The following FIGN variants were observed in gnomAD, a reference collection of about 807,000 sequenced individuals.
FIGN encodes fidgetin.
FIGN carries 11 observed loss-of-function variants against 51.3 expected under a neutral mutation model. That is an observed-to-expected ratio of 0.21 (90% CI 0.13 to 0.35). The LOEUF is 0.35. Among genes scored for constraint, FIGN ranks in the 10% least tolerant of loss-of-function variants. FIGN has a pLI of 1.00. For synonymous variants in FIGN, 407 were observed against 363.2 expected (o/e 1.12, Z -1.37); for missense variants, 857 against 943.6 (o/e 0.91, Z 1.20).
chr2:163,605,612 C>T lies in FIGN; in HGVS notation c.*3940G>A, dbSNP rs1691092175. On this transcript the variant is annotated 3_prime_UTR_variant, in exon 3 of 3. Coordinates refer to ENST00000333129, the MANE Select transcript of FIGN (RefSeq NM_018086.4). ...ATGAAAGAACACACACACATACACA[C>T]ATACAAACACACACACTAATTTTAT... 1 of 151,926 alleles carries T rather than the reference C, an allele frequency of 6.6e-6. No individual in the cohort carries two copies. The highest frequency in any genetic ancestry group is 2.4e-5 in the African/African-American group (1 of 41,390). 9.4% of individuals were successfully genotyped at this position (151,926 alleles called of 1,614,324 possible).
Position 163,603,917 on chromosome 2 carries a change from A to G in FIGN, c.*5635T>C, listed in dbSNP as rs557094655. The G allele has an allele frequency of 6.6e-6, 1 of 152,266 alleles. No individual in the cohort carries two copies. Among genetic ancestry groups the G allele is most frequent in the East Asian group, 1.9e-4 (1 of 5,184 alleles). The allele number at this position is 152,266 out of a possible 1,614,324, so 9.4% of individuals were successfully genotyped here. On this transcript the variant is annotated 3_prime_UTR_variant, in exon 3 of 3. Transcript: ENST00000333129. ...TTCATACAAAGTAATTCAATGTGCCATTAGTTGTACAATTGCTTCAATAAA... is the reference window on the plus strand; with the variant it reads ...TTCATACAAAGTAATTCAATGTGCCGTTAGTTGTACAATTGCTTCAATAAA...
intron 2 of FIGN, among the ~76,000 whole-genome samples, chr2:163,724,292 C>T (rs1043688547): frequency 5.9e-5 from 9 of 152,048 alleles, no homozygotes; most frequent in African/African-American, 9.7e-5. Context: ...GAACTTCAGC[C>T]GGATGATGAG....
At chr2:163,684,761 C>G (rs988161127) in intron 2 of FIGN, among the ~76,000 whole-genome samples, 2 of 151,902 alleles carry the variant, frequency 1.3e-5, no homozygotes, top group Non-Finnish European at 2.9e-5. Flanking sequence ...CATTATTGAA[C>G]TGTCAGTTTC....
intron 2 of FIGN, among the ~76,000 whole-genome samples, chr2:163,686,326 T>TA (rs1219267573): frequency 6.6e-6 from 1 of 152,190 alleles, no homozygotes; most frequent in Non-Finnish European, 1.5e-5. Flanking sequence ...GAAGGACTTC[T>TA]AGTAGAGCTA....
intron 2 of FIGN, among the ~76,000 whole-genome samples, chr2:163,616,867 A>G (rs1451817732): frequency 6.6e-6 from 1 of 152,146 alleles, no homozygotes; most frequent in African/African-American, 2.4e-5. Context: ...AGAGCATTCA[A>G]AATTTCCAGT....
intron 2 of FIGN, among the ~76,000 whole-genome samples, chr2:163,733,113 T>C (rs1408247918): frequency 6.6e-6 from 1 of 152,182 alleles, no homozygotes; most frequent in Admixed American, 6.5e-5. Context: ...ATGTAAACTT[T>C]CACCCCTAGA....
intron 2 of FIGN, among the ~76,000 whole-genome samples, chr2:163,661,650 T>C (rs1027545039): frequency 6.6e-6 from 1 of 152,182 alleles, no homozygotes; most frequent in Non-Finnish European, 1.5e-5. Flanking sequence ...ATTGTATCTT[T>C]CAGAATTCCC....
At chr2:163,616,227 A>G (rs1471665654) in intron 2 of FIGN, among the ~76,000 whole-genome samples, 2 of 152,230 alleles carry the variant, frequency 1.3e-5, no homozygotes, top group Admixed American at 6.5e-5. Context: ...TCGAAACAAA[A>G]CAACTATAGC....
chr2:163,689,426 A>G (rs16848799), intron 2 of FIGN, among the ~76,000 whole-genome samples: 7,231 of 152,222 alleles, frequency 0.048, 216 homozygotes, highest in African/African-American at 0.072. Context: ...TTTTATCTAT[A>G]CCTACTGAAA....
chr2:163,716,092 T>C (rs1210846263), intron 2 of FIGN, among the ~76,000 whole-genome samples: 1 of 152,238 alleles, frequency 6.6e-6, no homozygotes, highest in Non-Finnish European at 1.5e-5. Context: ...CGAAACCACT[T>C]AAACTATAGT....
At chr2:163,669,696 G>A (rs1376974902) in intron 2 of FIGN, among the ~76,000 whole-genome samples, 5 of 152,130 alleles carry the variant, frequency 3.3e-5, no homozygotes, top group Admixed American at 2.6e-4. Flanking sequence ...TTGCTCTTGT[G>A]GCTTTCTTCC....
intron 2 of FIGN, among the ~76,000 whole-genome samples, chr2:163,690,502 CTAGA>C (rs1453673623): frequency 2.6e-5 from 4 of 151,896 alleles, no homozygotes; most frequent in African/African-American, 9.7e-5. Context: ...GCAATCTAAT[CTAGA>C]TAAATACACA....
intron 2 of FIGN, among the ~76,000 whole-genome samples, chr2:163,641,577 C>A (rs947807371): frequency 6.6e-6 from 1 of 152,178 alleles, no homozygotes; most frequent in Non-Finnish European, 1.5e-5. Flanking sequence ...CTGCCTTACA[C>A]CTTTTCAGAA....
chr2:163,675,488 C>T (rs1301685452), intron 2 of FIGN, among the ~76,000 whole-genome samples: 1 of 152,190 alleles, frequency 6.6e-6, no homozygotes, highest in Non-Finnish European at 1.5e-5. Context: ...TAGAGATCTA[C>T]TGAATCAGAA....
chr2:163,614,715 C>G (rs1013024526), intron 2 of FIGN, among the ~76,000 whole-genome samples: 2 of 152,032 alleles, frequency 1.3e-5, no homozygotes, highest in African/African-American at 4.8e-5. Context: ...AGGACGGCTT[C>G]CTTTCAGTTT....
intron 2 of FIGN, among the ~76,000 whole-genome samples, chr2:163,683,970 C>T (rs909214537): frequency 6.6e-6 from 1 of 152,074 alleles, no homozygotes; most frequent in African/African-American, 2.4e-5. Flanking sequence ...CTGTATCATC[C>T]TGTCAACATA....
chr2:163,678,896 T>C (rs1489619964), intron 2 of FIGN, among the ~76,000 whole-genome samples: 2 of 152,162 alleles, frequency 1.3e-5, no homozygotes, highest in Non-Finnish European at 2.9e-5. Context: ...CATGTGAGAT[T>C]TGAGATACCT....
At chr2:163,723,889 T>C (rs1432730180) in intron 2 of FIGN, among the ~76,000 whole-genome samples, 1 of 152,222 alleles carries the variant, frequency 6.6e-6, no homozygotes, top group Non-Finnish European at 1.5e-5. Flanking sequence ...TCTCTTCTGA[T>C]GGGCTTAACA....
chr2:163,610,443 A>G lies in FIGN; in HGVS notation c.1389T>C (p.Asn463=), dbSNP rs1573899005. The change falls in exon 3 of 3, where the codon AAT becomes AAC. Residue 463 remains asparagine, a synonymous_variant. Transcript: ENST00000333129. ...SNHSVDEQLK[N]TDTHLIDLVT... Reference sequence around the variant, plus strand: ...CCAGGTCGATGAGGTGCGTGTCAGTATTCTTCAGTTGCTCGTCCACAGAGT... The same window carrying G: ...CCAGGTCGATGAGGTGCGTGTCAGTGTTCTTCAGTTGCTCGTCCACAGAGT... 6.2e-7 allele frequency: 1 copy of G among 1,614,020 alleles called. No individual in the cohort carries two copies. Among genetic ancestry groups the G allele is most frequent in the Non-Finnish European group, 8.5e-7 (1 of 1,180,048 alleles).
Sources: allele counts gnomAD v4.1 joint callset (sites outside exome capture counted in the v4.1 genomes callset), GRCh38; gene constraint gnomAD v4.1.1; transcripts MANE v1.5; gene names NCBI Gene and HGNC (gene_info 2026-07-23, HGNC 2026-07-21).